UTRN: variants seen among roughly 807,000 people sequenced by gnomAD.
UTRN encodes utrophin, also known as dystrophin-related protein 1.
UTRN carries 283 observed loss-of-function variants against 463.9 expected under a neutral mutation model. The ratio of observed to expected loss-of-function variants is 0.61; its 90% confidence interval spans 0.55 to 0.67. The LOEUF is 0.67. Ranked by LOEUF, UTRN falls within the 30% of genes least tolerant of loss-of-function variation. UTRN has a pLI of 0.00. For missense variants in UTRN, 3,922 were observed against 4,084.3 expected (o/e 0.96, Z 1.08); for synonymous variants, 1,442 against 1,431.5 (o/e 1.01, Z -0.17).
rs1223000477 is a variant in UTRN at position 144,817,507 on chromosome 6, TTTTC to T, written c.9358-3363_9358-3360del. Among the ~76,000 whole-genome samples the T allele has an allele frequency of 4.9e-4, 74 of 152,264 alleles. 2 individuals carry two copies. The South Asian group carries it at 0.014, about 28-fold the overall frequency. The stretch of plus-strand genomic sequence containing the variant: ...ATTATGGTAAGTGGGTGGTTCTCTT[TTTTC>T]TTTCTTTCTTTTTCTTTTTTTCCAA... On this transcript the variant is annotated intron_variant, in intron 65 of 74. Transcript: ENST00000367545.
chr6:144,608,350 C>A (rs191189605), intron 51 of UTRN, among the ~76,000 whole-genome samples: 288 of 152,210 alleles, frequency 1.9e-3, no homozygotes, highest in Non-Finnish European at 3.3e-3. Context: ...ATCATGTGAG[C>A]CAATTTCCTA....
At chr6:144,728,096 A>G (rs1788093902) in intron 53 of UTRN, among the ~76,000 whole-genome samples, 1 of 106,284 alleles carries the variant, frequency 9.4e-6, no homozygotes, top group Non-Finnish European at 1.6e-5. Context: ...GTAAGACTCC[A>G]TCTCAAAAAA....
intron 65 of UTRN, among the ~76,000 whole-genome samples, chr6:144,814,022 T>TGGTA (rs2128750937): frequency 6.6e-6 from 1 of 152,248 alleles, no homozygotes; most frequent in Admixed American, 6.5e-5. Flanking sequence ...TCCTACGTGC[T>TGGTA]GGTAGAGGGT....
rs775587166 is a variant in UTRN, at chr6:144,793,870, G to A, written c.8957G>A (p.Cys2986Tyr). Residue 2986 changes from cysteine (C) to tyrosine (Y), a missense_variant, in exon 63 of 75, where the codon TGT becomes TAT. By Grantham distance (194) the Cys-to-Tyr change is radical. Coordinates refer to ENST00000367545, the MANE Select transcript of UTRN (RefSeq NM_007124.3). ...FKEVAGPTEM[C>Y]DQRQLGLLLH... Reference sequence around the variant, plus strand: ...GAAGTTGCAGGGCCAACAGAAATGTGTGACCAGAGGCAGCTGGGCCTGTTA... The same window carrying A: ...GAAGTTGCAGGGCCAACAGAAATGTATGACCAGAGGCAGCTGGGCCTGTTA... 1 of 1,614,144 alleles carries A rather than the reference G, an allele frequency of 6.2e-7. No individual in the cohort carries two copies. The highest frequency in any genetic ancestry group is 8.5e-7 in the Non-Finnish European group (1 of 1,179,996).
intron 53 of UTRN, among the ~76,000 whole-genome samples, chr6:144,723,161 G>A (rs1481536100): frequency 6.6e-6 from 1 of 152,120 alleles, no homozygotes; most frequent in African/African-American, 2.4e-5. Flanking sequence ...TATCTAAAAA[G>A]AGAAAAGGAT....
At chr6:144,537,464 ATTAT>A (rs1797640244) in intron 43 of UTRN, 114 bp from the exon 44 acceptor site, 17 of 583,644 alleles carry the variant, frequency 2.9e-5, no homozygotes. Context: ...TATTAAAATA[ATTAT>A]TAGAAATTAT....
At chr6:144,374,762 G>A (rs1185603809) in intron 2 of UTRN, among the ~76,000 whole-genome samples, 2 of 151,500 alleles carry the variant, frequency 1.3e-5, no homozygotes, top group Non-Finnish European at 2.9e-5. Context: ...GATTACAGTT[G>A]TGAGCTACCG....
At chr6:144,752,330 T>C (rs972249566) in intron 56 of UTRN, among the ~76,000 whole-genome samples, 2 of 152,076 alleles carry the variant, frequency 1.3e-5, no homozygotes, top group South Asian at 4.1e-4. Flanking sequence ...CAGGAAAGTC[T>C]CTATTGTTTT....
At chr6:144,650,575 T>G (rs948957194) in intron 51 of UTRN, among the ~76,000 whole-genome samples, 2 of 152,218 alleles carry the variant, frequency 1.3e-5, no homozygotes, top group Admixed American at 6.5e-5. Flanking sequence ...ATGGCTTCAC[T>G]GATGTGATGA....
At chr6:144,621,683 C>T (rs1288880408) in intron 51 of UTRN, among the ~76,000 whole-genome samples, 1 of 152,090 alleles carries the variant, frequency 6.6e-6, no homozygotes, top group Non-Finnish European at 1.5e-5. Flanking sequence ...TGATTCTCAT[C>T]GTGTTCACAA....
chr6:144,831,995 T>C (rs1002313178), intron 69 of UTRN, among the ~76,000 whole-genome samples: 1 of 152,254 alleles, frequency 6.6e-6, no homozygotes, highest in Non-Finnish European at 1.5e-5. Flanking sequence ...ACTAATTTTG[T>C]AATCTAGATA....
At chr6:144,523,215 AT>A (rs1796261554) in intron 41 of UTRN, 27 bp downstream of exon 41, 2 of 1,481,932 alleles carry the variant, frequency 1.3e-6, no homozygotes, top group African/African-American at 2.9e-5. Flanking sequence ...TTAATATTTA[AT>A]TTAAAAAAAT....
intron 51 of UTRN, among the ~76,000 whole-genome samples, chr6:144,673,844 G>C (rs977837682): frequency 9.2e-5 from 14 of 152,194 alleles, no homozygotes; most frequent in African/African-American, 3.4e-4. Flanking sequence ...TTTGGTAGTG[G>C]TGAATTCTCT....
In UTRN at chr6:144,640,551, T is replaced by TA. The variant is rs1562694131; in HGVS notation, c.7480-37854dup. Among the ~76,000 whole-genome samples, 8 of 152,198 alleles carry TA rather than the reference T, an allele frequency of 5.3e-5. 1 individual carries two copies. The South Asian group carries it at 1.7e-3, about 32-fold the overall frequency. On this transcript the variant is annotated intron_variant, in intron 51 of 74. Transcript: ENST00000367545. ...GCCAGAAAAAAATGTGTTAAGTTTT[T>TA]ATCCCTTAAAGAGTATCTCATAACT...
intron 64 of UTRN, among the ~76,000 whole-genome samples, chr6:144,801,039 G>A (rs1399470036): frequency 6.6e-6 from 1 of 152,048 alleles, no homozygotes; most frequent in Non-Finnish European, 1.5e-5. Flanking sequence ...AAATACATAG[G>A]CGAATATGTG....
intron 53 of UTRN, among the ~76,000 whole-genome samples, chr6:144,721,089 A>G (rs922055792): frequency 6.6e-6 from 1 of 152,228 alleles, no homozygotes; most frequent in African/African-American, 2.4e-5. Flanking sequence ...TTTTGGACAC[A>G]AGATAATCAT....
rs778526402 is a variant in UTRN at position 144,291,787 on chromosome 6, G to A, written c.-42G>A. 6.3e-7 allele frequency: 1 copy of A among 1,592,464 alleles called. No individual in the cohort carries two copies. The highest frequency in any genetic ancestry group is 8.6e-7 in the Non-Finnish European group (1 of 1,167,562). On this transcript the variant is annotated 5_prime_UTR_variant, in exon 2 of 75. Coordinates refer to ENST00000367545, the MANE Select transcript of UTRN (RefSeq NM_007124.3). Reference sequence around the variant, plus strand: ...TAGGAAGTTGAAAGCCTTAGAAAGAGGACTTGGTAAAGTTTTTGGATTATC... The same window carrying A: ...TAGGAAGTTGAAAGCCTTAGAAAGAAGACTTGGTAAAGTTTTTGGATTATC...
chr6:144,512,033 T>G (rs1291592512), intron 35 of UTRN, among the ~76,000 whole-genome samples: 1 of 152,148 alleles, frequency 6.6e-6, no homozygotes, highest in Non-Finnish European at 1.5e-5. Flanking sequence ...GTGAAGAGCA[T>G]GGGCTTTGCT....
intron 22 of UTRN, among the ~76,000 whole-genome samples, chr6:144,461,680 T>A (rs1337949051): frequency 6.6e-6 from 1 of 152,212 alleles, no homozygotes; most frequent in Non-Finnish European, 1.5e-5. Flanking sequence ...AATAGGAATG[T>A]TTCCGAGGTC....
Sources: allele counts gnomAD v4.1 joint callset (sites outside exome capture counted in the v4.1 genomes callset), GRCh38; gene constraint gnomAD v4.1.1; transcripts MANE v1.5; gene names NCBI Gene and HGNC (gene_info 2026-07-23, HGNC 2026-07-21).